Variants in SLF2 observed in about 807,000 individuals in gnomAD.
SLF2 encodes SMC5-SMC6 complex localization factor protein 2.
A neutral mutation model predicts 124.3 loss-of-function variants in SLF2; 68 were observed. That is an observed-to-expected ratio of 0.55 (90% CI 0.45 to 0.67). The LOEUF is 0.67. SLF2 is among the 30% of genes least tolerant of loss of function. The probability of loss-of-function intolerance (pLI) is 0.00; values close to 1 mark genes in which losing one functional copy is unlikely to be tolerated. For synonymous variants in SLF2, 480 were observed against 478.8 expected, an observed-to-expected ratio of 1.00 and a Z score of -0.03; for missense variants, 1,246 against 1,373.7, an observed-to-expected ratio of 0.91 and a Z score of 1.47.
At chr10:100,932,822 A>G (rs1359948549) in intron 9 of SLF2, among the ~76,000 whole-genome samples, 1 of 152,046 alleles carries the variant, frequency 6.6e-6, no homozygotes, top group African/African-American at 2.4e-5. Flanking sequence ...CCGGGGTGAG[A>G]GAGAAAGTTT....
At chr10:100,956,565 T>C (rs768481366) in intron 18 of SLF2, 28 bp downstream of exon 18, 9 of 1,507,428 alleles carry the variant, frequency 6.0e-6, no homozygotes, top group Non-Finnish European at 8.1e-6. Context: ...TTTTTTCTTT[T>C]TTTTTTTCTT....
intron 3 of SLF2, among the ~76,000 whole-genome samples, chr10:100,917,515 G>A (rs1849440729): frequency 6.6e-6 from 1 of 152,036 alleles, no homozygotes; most frequent in Non-Finnish European, 1.5e-5. Context: ...AGTTTTTTCA[G>A]ACTGGGAACA....
intron 18 of SLF2, among the ~76,000 whole-genome samples, chr10:100,957,675 T>A (rs992567539): frequency 2.0e-5 from 3 of 151,978 alleles, no homozygotes; most frequent in Non-Finnish European, 4.4e-5. Flanking sequence ...CTTCAAATCT[T>A]TGGGTCGTAC....
intron 8 of SLF2, 104 bp downstream of exon 8, chr10:100,930,101 A>G (rs1354613878): frequency 1.0e-5 from 7 of 693,790 alleles, no homozygotes; most frequent in Non-Finnish European, 1.3e-5. Flanking sequence ...ATTATGACCT[A>G]TTAAGTTTCC....
intron 2 of SLF2, 67 bp from the exon 3 acceptor site, chr10:100,916,500 TTAA>T: frequency 1.7e-6 from 2 of 1,150,948 alleles, no homozygotes; most frequent in Non-Finnish European, 2.2e-6. Context: ...ATTTTAAACA[TTAA>T]TAATTTAGAT....
At chr10:100,914,626 C>T (rs966057067) in intron 1 of SLF2, among the ~76,000 whole-genome samples, 5 of 152,204 alleles carry the variant, frequency 3.3e-5, no homozygotes, top group African/African-American at 1.2e-4. Flanking sequence ...TATCATCCTT[C>T]TTCCCTTTGC....
intron 9 of SLF2, among the ~76,000 whole-genome samples, chr10:100,933,964 C>A (rs1849795866): frequency 1.3e-5 from 2 of 152,216 alleles, no homozygotes; most frequent in South Asian, 4.1e-4. Flanking sequence ...CAGGCGTGAG[C>A]CACTGCACCC....
chr10:100,960,327 AGT>A (rs1016827349), intron 19 of SLF2, among the ~76,000 whole-genome samples: 15 of 152,228 alleles, frequency 9.9e-5, no homozygotes, highest in African/African-American at 3.4e-4. Context: ...TTCTATGTTA[AGT>A]GTTTTAAGAA....
Position 100,924,506 on chromosome 10 carries a change from AT to A in SLF2, c.1506del (p.Asp502GlufsTer92). 1 of 1,614,140 alleles carries A rather than the reference AT, an allele frequency of 6.2e-7. No homozygotes were observed. The highest frequency in any genetic ancestry group is 8.5e-7 in the Non-Finnish European group (1 of 1,180,026). ...KNCALPVSKK[D>X]KERSSSKECS... ...TGTGCTCTTCCAGTTTCTAAAAAAG[AT>A]AAAGAGCGTTCCTCATCTAAAGAAT... On this transcript the variant is annotated frameshift_variant, in exon 5 of 20. Transcript: ENST00000238961. LOFTEE classifies it high-confidence loss of function.
chr10:100,948,698 C>T (rs563715296), intron 15 of SLF2, among the ~76,000 whole-genome samples: 9 of 152,006 alleles, frequency 5.9e-5, no homozygotes, highest in African/African-American at 1.2e-4. Flanking sequence ...CTAGCCAACA[C>T]GGTGAAACCC....
At chr10:100,952,561 GAA>G (rs1052016580) in intron 17 of SLF2, among the ~76,000 whole-genome samples, 1 of 149,064 alleles carries the variant, frequency 6.7e-6, no homozygotes, top group South Asian at 2.1e-4. Context: ...AAAAAAAAAA[GAA>G]AAAAATACAT....
chr10:100,936,898 A>G (rs947961768), intron 9 of SLF2, among the ~76,000 whole-genome samples: 1 of 151,966 alleles, frequency 6.6e-6, no homozygotes, highest in Admixed American at 6.6e-5. Context: ...TAGAATGTAA[A>G]GAGCTCTGAC....
Position 100,944,260 on chromosome 10 carries a change from CCA to C in SLF2, c.2757+133_2757+134del, listed in dbSNP as rs1398791243. The C allele has an allele frequency of 1.9e-5, 10 of 516,548 alleles. No individual in the cohort carries two copies. The East Asian group carries it at 3.6e-4, about 18-fold the overall frequency. The allele number at this position is 516,548 out of a possible 1,614,324, so 32.0% of individuals were successfully genotyped here. A position where few individuals can be genotyped will look rare whatever the true frequency, so the allele number is the denominator to read the frequency against. ...CCTGTAATCCCAGCACTTTGGGAGGCCAGGGCGGGCAGATCACAAGGTCAGGA... is the reference window on the plus strand; with the variant it reads ...CCTGTAATCCCAGCACTTTGGGAGGCGGGCGGGCAGATCACAAGGTCAGGA... On this transcript the variant is annotated intron_variant, in intron 12 of 19. Transcript: ENST00000238961.
intron 5 of SLF2, 68 bp downstream of exon 5, chr10:100,925,040 A>T: frequency 6.9e-7 from 1 of 1,446,032 alleles, no homozygotes; most frequent in South Asian, 1.4e-5. Context: ...AAAGGGGTGG[A>T]TTATCGGAAC....
chr10:100,946,160 T>A (rs571988212), intron 13 of SLF2, among the ~76,000 whole-genome samples: 112 of 152,194 alleles, frequency 7.4e-4, no homozygotes, highest in Non-Finnish European at 1.4e-3. Flanking sequence ...AAGAGTATAA[T>A]AAATTCCTAA....
At chr10:100,917,580 TCTTA>T (rs972835275) in intron 3 of SLF2, among the ~76,000 whole-genome samples, 20 of 152,140 alleles carry the variant, frequency 1.3e-4, no homozygotes, top group African/African-American at 2.7e-4. Context: ...GCAAGTATAG[TCTTA>T]CTTATTTATG....
At position 100,918,361 on chromosome 10, in the gene SLF2, A is replaced by T. The variant is rs748539341; in HGVS notation, c.916-23A>T. 84 of 1,523,880 alleles carry T rather than the reference A, an allele frequency of 5.5e-5. 1 individual carries two copies. The East Asian group carries it at 1.9e-3, about 34-fold the overall frequency. The allele number at this position is 1,523,880 out of a possible 1,614,324, so 94.4% of individuals were successfully genotyped here. ...CTTTACTGTCCCCAACACTTAATTA[A>T]TTTTATCTCATTGTGCTCATAGGAA... On this transcript the variant is annotated intron_variant, in intron 3 of 19. Coordinates refer to ENST00000238961, the MANE Select transcript of SLF2 (RefSeq NM_018121.4).
chr10:100,934,848 C>G (rs1488656472), intron 9 of SLF2, among the ~76,000 whole-genome samples: 1 of 151,474 alleles, frequency 6.6e-6, no homozygotes. Context: ...TCTCGAACTC[C>G]TGACCTCGAG....
At chr10:100,934,961 G>A (rs1468977072) in intron 9 of SLF2, among the ~76,000 whole-genome samples, 4 of 151,894 alleles carry the variant, frequency 2.6e-5, no homozygotes, top group African/African-American at 7.3e-5. Context: ...ACAATCTATG[G>A]CTTCTAAGCA....
Sources: gnomAD v4.1 joint callset for allele counts (sites outside exome capture counted in the v4.1 genomes callset) on GRCh38, gnomAD v4.1.1 for gene constraint, MANE v1.5 for transcripts, NCBI Gene and HGNC (gene_info 2026-07-23, HGNC 2026-07-21) for gene names.